The following FMN2 variants were observed in gnomAD, a reference collection of about 807,000 sequenced individuals.
FMN2 encodes formin-2.
FMN2 carries 51 observed loss-of-function variants against 142.3 expected under a neutral mutation model. The ratio of observed to expected loss-of-function variants is 0.36; its 90% confidence interval spans 0.29 to 0.45. The LOEUF (loss-of-function observed/expected upper bound fraction) is 0.45, where lower values mean the gene tolerates loss of function less well. Ranked by LOEUF, FMN2 falls within the 20% of genes least tolerant of loss-of-function variation. FMN2 has a pLI of 1.00. For synonymous variants in FMN2, 882 were observed against 869.8 expected (o/e 1.01, Z -0.25); for missense variants, 1,936 against 2,122.8 (o/e 0.91, Z 1.73).
At chr1:240,431,386 G>A in intron 15 of FMN2, among the ~76,000 whole-genome samples, 1 of 136,008 alleles carries the variant, frequency 7.4e-6, no homozygotes, top group Non-Finnish European at 1.5e-5. Flanking sequence ...GTGTTTTCTG[G>A]GTATACAACC....
chr1:240,451,856 T>C (rs929550933), intron 16 of FMN2, among the ~76,000 whole-genome samples: 1 of 152,126 alleles, frequency 6.6e-6, no homozygotes, highest in Non-Finnish European at 1.5e-5. Context: ...TTTAGCACTA[T>C]TAATATTTCT....
chr1:240,435,536 TATAAC>T (rs1203982395), intron 15 of FMN2, among the ~76,000 whole-genome samples: 5 of 151,996 alleles, frequency 3.3e-5, no homozygotes, highest in African/African-American at 1.2e-4. Context: ...GCATATGTAA[TATAAC>T]ATATGTAATA....
chr1:240,307,864 G>A (rs1464873889), intron 8 of FMN2, among the ~76,000 whole-genome samples: 1 of 152,166 alleles, frequency 6.6e-6, no homozygotes, highest in Non-Finnish European at 1.5e-5. Flanking sequence ...TCCAACCCAT[G>A]AGCATGGAAT....
chr1:240,327,137 A>T (rs1458689504), intron 8 of FMN2, among the ~76,000 whole-genome samples: 1 of 152,224 alleles, frequency 6.6e-6, no homozygotes, highest in Non-Finnish European at 1.5e-5. Flanking sequence ...GTGCAATTGA[A>T]ATTCTAGAAG....
At chr1:240,448,134 T>A (rs944328089) in intron 16 of FMN2, among the ~76,000 whole-genome samples, 5 of 152,142 alleles carry the variant, frequency 3.3e-5, no homozygotes, top group Non-Finnish European at 7.4e-5. Flanking sequence ...ACTACAAACA[T>A]GAGTATTAGC....
intron 15 of FMN2, among the ~76,000 whole-genome samples, chr1:240,430,819 A>G (rs1222334334): frequency 6.6e-6 from 1 of 151,824 alleles, no homozygotes; most frequent in African/African-American, 2.4e-5. Context: ...CCAGGTCCTT[A>G]TACCAATACC....
intron 15 of FMN2, among the ~76,000 whole-genome samples, chr1:240,394,862 G>C (rs1049761071): frequency 6.6e-6 from 1 of 152,116 alleles, no homozygotes; most frequent in Non-Finnish European, 1.5e-5. Flanking sequence ...CAGCTACTCA[G>C]AAGGCTGAGG....
At chr1:240,444,309 G>T (rs967530164) in intron 16 of FMN2, among the ~76,000 whole-genome samples, 1 of 152,158 alleles carries the variant, frequency 6.6e-6, no homozygotes, top group Non-Finnish European at 1.5e-5. Context: ...AAGGAATTCT[G>T]CCCAGAGGAC....
chr1:240,294,091 T>C (rs185918957), intron 7 of FMN2, among the ~76,000 whole-genome samples: 69 of 152,228 alleles, frequency 4.5e-4, no homozygotes, highest in African/African-American at 1.2e-3. Flanking sequence ...CTACCAAATA[T>C]CCATGTAGAA....
intron 2 of FMN2, among the ~76,000 whole-genome samples, chr1:240,141,105 T>A (rs1167271972): frequency 2.0e-5 from 3 of 152,204 alleles, no homozygotes; most frequent in Non-Finnish European, 4.4e-5. Context: ...GCCCTGTACA[T>A]TTGTTAAATG....
intron 6 of FMN2, among the ~76,000 whole-genome samples, chr1:240,244,484 C>T (rs1668015887): frequency 1.3e-5 from 2 of 152,180 alleles, no homozygotes; most frequent in Non-Finnish European, 1.5e-5. Context: ...TAGCAATAAA[C>T]ACCATGTTGA....
At chr1:240,110,360 G>A (rs560067960) in intron 1 of FMN2, among the ~76,000 whole-genome samples, 10 of 152,328 alleles carry the variant, frequency 6.6e-5, no homozygotes, top group Admixed American at 6.5e-5. Flanking sequence ...TCACAGAGCT[G>A]ACAGTAGATG....
intron 15 of FMN2, among the ~76,000 whole-genome samples, chr1:240,421,018 G>T (rs1674743663): frequency 6.6e-6 from 1 of 152,202 alleles, no homozygotes; most frequent in Non-Finnish European, 1.5e-5. Context: ...TTGGACTGCA[G>T]TGCAATTATA....
chr1:240,138,474 C>A (rs966217509), intron 2 of FMN2, among the ~76,000 whole-genome samples: 1 of 151,508 alleles, frequency 6.6e-6, no homozygotes. Flanking sequence ...CTGAGGCGGG[C>A]GGATCACTTA....
intron 6 of FMN2, among the ~76,000 whole-genome samples, chr1:240,212,798 T>G (rs549014793): frequency 6.6e-6 from 1 of 152,268 alleles, no homozygotes; most frequent in African/African-American, 2.4e-5. Context: ...TGGGTGGGGC[T>G]TACATTGAGA....
At chr1:240,109,779 G>A (rs1661740203) in intron 1 of FMN2, among the ~76,000 whole-genome samples, 1 of 152,146 alleles carries the variant, frequency 6.6e-6, no homozygotes, top group Non-Finnish European at 1.5e-5. Context: ...CCTGCGGTAT[G>A]TTGTCAGCAG....
chr1:240,120,279 T>C (rs1210031317), intron 1 of FMN2, among the ~76,000 whole-genome samples: 3 of 152,236 alleles, frequency 2.0e-5, no homozygotes, highest in African/African-American at 7.2e-5. Context: ...CTTGGCCTGG[T>C]TTTGCAAAGC....
At chr1:240,314,375 C>T (rs571241528) in intron 8 of FMN2, among the ~76,000 whole-genome samples, 2 of 152,210 alleles carry the variant, frequency 1.3e-5, no homozygotes, top group East Asian at 1.9e-4. Context: ...ACGTCTATGC[C>T]AGATTCACAT....
At chr1:240,193,424 A>G (rs1665791247) in intron 4 of FMN2, among the ~76,000 whole-genome samples, 1 of 152,260 alleles carries the variant, frequency 6.6e-6, no homozygotes, top group Non-Finnish European at 1.5e-5. Flanking sequence ...GATAAACTTA[A>G]CAAAAAGGGT....
Sources: allele counts gnomAD v4.1 joint callset (sites outside exome capture counted in the v4.1 genomes callset), GRCh38; gene constraint gnomAD v4.1.1; transcripts MANE v1.5; gene names NCBI Gene and HGNC (gene_info 2026-07-23, HGNC 2026-07-21).